MS4A8: variants seen among roughly 807,000 people sequenced by gnomAD.
MS4A8 encodes membrane-spanning 4-domains subfamily A member 8.
A neutral mutation model predicts 23.7 loss-of-function variants in MS4A8; 27 were observed. That is an observed-to-expected ratio of 1.14 (90% CI 0.84 to 1.57). The LOEUF is 1.57. MS4A8 is among the 40% of genes most tolerant of loss of function. MS4A8 has a pLI of 0.00. For synonymous variants in MS4A8, 138 were observed against 126.3 expected (o/e 1.09, Z -0.62); for missense variants, 301 against 311.4 (o/e 0.97, Z 0.25).
At chr11:60,713,226 C>G (rs970014924) in intron 5 of MS4A8, among the ~76,000 whole-genome samples, 1 of 151,982 alleles carries the variant, frequency 6.6e-6, no homozygotes, top group African/African-American at 2.4e-5. Context: ...GGGTGTTTCT[C>G]GTTAGGTGGA....
At chr11:60,702,315 G>A (rs2088211873) in intron 2 of MS4A8, among the ~76,000 whole-genome samples, 1 of 152,156 alleles carries the variant, frequency 6.6e-6, no homozygotes, top group Admixed American at 6.5e-5. Flanking sequence ...ACTGAACACT[G>A]GACTGAAAAT....
intron 5 of MS4A8, chr11:60,711,807 G>A: frequency 2.2e-6 from 1 of 456,072 alleles, no homozygotes; most frequent in Non-Finnish European, 4.4e-6. Context: ...TTTTGATTCA[G>A]AAAACTTGGC....
In MS4A8 at chr11:60,700,970, C is replaced by T. The variant is rs1365621729; in HGVS notation, c.110C>T (p.Pro37Leu). ...ATTATGTCTCACGTGCCCCTGTATC[C>T]AAACAGCCAGCCGCAAGTCCACCTA... ...PGIMSHVPLY[P>L]NSQPQVHLVP... Residue 37 changes from proline to leucine, a missense_variant, in exon 2 of 7, where the codon CCA becomes CTA. Physicochemically the swap from Pro to Leu is moderately conservative, Grantham distance 98. Transcript: ENST00000300226. 6.2e-7 allele frequency: 1 copy of T among 1,614,196 alleles called. No individual in the cohort carries two copies.
At chr11:60,714,958 G>T in intron 5 of MS4A8, 63 bp from the exon 6 acceptor site, 1 of 1,159,538 alleles carries the variant, frequency 8.6e-7, no homozygotes, top group South Asian at 1.2e-5. Context: ...CAGGGCCCCA[G>T]TGAGAGGTCA....
At chr11:60,703,320 TA>T (rs2088221969) in intron 2 of MS4A8, 57 bp from the exon 3 acceptor site, 1 of 1,466,116 alleles carries the variant, frequency 6.8e-7, no homozygotes, top group Non-Finnish European at 9.0e-7. Context: ...AGGAGGCTCA[TA>T]GGGGAGGCAG....
At chr11:60,713,427 G>A (rs1027545510) in intron 5 of MS4A8, among the ~76,000 whole-genome samples, 4 of 152,144 alleles carry the variant, frequency 2.6e-5, no homozygotes, top group Non-Finnish European at 4.4e-5. Context: ...AGGTAAACAC[G>A]TGAACAAATG....
intron 1 of MS4A8, among the ~76,000 whole-genome samples, chr11:60,700,301 T>C (rs2088190801): frequency 6.6e-6 from 1 of 152,184 alleles, no homozygotes; most frequent in African/African-American, 2.4e-5. Flanking sequence ...ATCCCAGCAC[T>C]TTGGGAGGCC....
Position 60,707,051 on chromosome 11 carries a change from A to G in MS4A8, c.402+4A>G. 6.2e-7 allele frequency: 1 copy of G among 1,613,174 alleles called. No individual in the cohort carries two copies. Among genetic ancestry groups the G allele is most frequent in the Non-Finnish European group, 8.5e-7 (1 of 1,179,138 alleles). On this transcript the variant is annotated splice_donor_region_variant and intron_variant, in intron 4 of 6. Coordinates refer to ENST00000300226, the MANE Select transcript of MS4A8 (RefSeq NM_031457.2). ...TCAGCCATATTCTTATTGCCTGGTA[A>G]GTTACATTCTGAGACCAGCTCTTCC...
chr11:60,700,064 C>T (rs1448126843), intron 1 of MS4A8, among the ~76,000 whole-genome samples: 1 of 152,190 alleles, frequency 6.6e-6, no homozygotes, highest in African/African-American at 2.4e-5. Flanking sequence ...ATGGGGCTTC[C>T]CTTGAGAAGG....
At chr11:60,704,812 C>CA (rs2088239627) in intron 3 of MS4A8, among the ~76,000 whole-genome samples, 1 of 139,036 alleles carries the variant, frequency 7.2e-6, no homozygotes, top group Non-Finnish European at 1.5e-5. Flanking sequence ...GTCCCCCTGC[C>CA]CACACACACA....
At position 60,700,866 on chromosome 11, in the gene MS4A8, T is replaced by C. The variant is rs374580601; in HGVS notation, c.6T>C (p.Asn2=). The change falls in exon 2 of 7, where the codon AAT becomes AAC. Residue 2 remains asparagine, a synonymous_variant. Coordinates refer to ENST00000300226, the MANE Select transcript of MS4A8 (RefSeq NM_031457.2). M[N]SMTSAVPVAN... is the part of the protein sequence containing the mutation. ...CGCATTTATTTCTTGGCAGCATGAA[T>C]TCGATGACTTCAGCAGTTCCGGTGG... is the stretch of plus-strand genomic sequence containing the variant. 1 of 1,614,098 alleles carries C rather than the reference T, an allele frequency of 6.2e-7. No homozygotes were observed. The highest frequency in any genetic ancestry group is 2.2e-5 in the East Asian group (1 of 44,876).
At chr11:60,700,742 G>A in intron 1 of MS4A8, 118 bp from the exon 2 acceptor site, 2 of 931,088 alleles carry the variant, frequency 2.1e-6, no homozygotes, top group Non-Finnish European at 3.4e-6. Context: ...TTTGTAACAT[G>A]GGATTCATAA....
chr11:60,709,149 G>C (rs2134659925), intron 5 of MS4A8: 1 of 258,998 alleles, frequency 3.9e-6, no homozygotes, highest in East Asian at 1.2e-4. Context: ...ATAGTAAGCA[G>C]TTAAGGTTTT....
At chr11:60,707,227 A>G (rs1379973647) in intron 4 of MS4A8, among the ~76,000 whole-genome samples, 180 bp downstream of exon 4, 1 of 152,190 alleles carries the variant, frequency 6.6e-6, no homozygotes, top group Non-Finnish European at 1.5e-5. Flanking sequence ...CCCTGGAGTC[A>G]CATGTGGAAA....
rs576519970 is a variant in MS4A8, at chr11:60,707,539, C to G, written c.402+492C>G. On this transcript the variant is annotated intron_variant, in intron 4 of 6. Transcript: ENST00000300226. ...TCAACATGGACAAAGCTTTGTGCTCCCCTAGCAACAGACCAAGAAATACCT... is the reference window on the plus strand; with the variant it reads ...TCAACATGGACAAAGCTTTGTGCTCGCCTAGCAACAGACCAAGAAATACCT... Among the ~76,000 whole-genome samples the G allele has an allele frequency of 2.6e-5, 4 of 152,280 alleles. No individual in the cohort carries two copies. The South Asian group carries it at 8.3e-4, about 32-fold the overall frequency.
chr11:60,706,929 C>G, intron 3 of MS4A8, 59 bp from the exon 4 acceptor site: 1 of 1,451,982 alleles, frequency 6.9e-7, no homozygotes, highest in Non-Finnish European at 9.7e-7. Context: ...ATCACAGAAG[C>G]CTGGGGAAGG....
Position 60,715,542 on chromosome 11 carries a change from C to G in MS4A8, c.*128C>G, listed in dbSNP as rs929718584. On this transcript the variant is annotated 3_prime_UTR_variant, in exon 7 of 7. Transcript: ENST00000300226. ...ACGTCTCTCCCACTGTTTGTACTCT[C>G]ACCTTCATTCTTCAATTCAGTCTAG... 1 of 656,964 alleles carries G rather than the reference C, an allele frequency of 1.5e-6. No individual in the cohort carries two copies. The highest frequency in any genetic ancestry group is 2.7e-5 in the Admixed American group (1 of 37,672). The allele number at this position is 656,964 out of a possible 1,614,324, so 40.7% of individuals were successfully genotyped here. A position where few individuals can be genotyped will look rare whatever the true frequency, so the allele number is the denominator to read the frequency against.
At chr11:60,702,617 G>T (rs376130800) in intron 2 of MS4A8, among the ~76,000 whole-genome samples, 2 of 152,294 alleles carry the variant, frequency 1.3e-5, no homozygotes, top group African/African-American at 4.8e-5. Context: ...GGCCAGGCTG[G>T]TCTTGAACTC....
intron 3 of MS4A8, among the ~76,000 whole-genome samples, chr11:60,704,416 C>T (rs1014511638): frequency 3.9e-5 from 6 of 152,090 alleles, no homozygotes; most frequent in African/African-American, 1.2e-4. Context: ...CCACCACACC[C>T]GGCCAAAAGG....
Sources: allele counts gnomAD v4.1 joint callset (sites outside exome capture counted in the v4.1 genomes callset), GRCh38; gene constraint gnomAD v4.1.1; transcripts MANE v1.5; gene names NCBI Gene and HGNC (gene_info 2026-07-23, HGNC 2026-07-21).